INF2: variants seen among roughly 807,000 people sequenced by gnomAD.
The protein encoded by INF2 is inverted formin-2.
A neutral mutation model predicts 123.5 loss-of-function variants in INF2; 43 were observed. That is an observed-to-expected ratio of 0.35 (90% CI 0.27 to 0.45). The LOEUF is 0.45. INF2 is among the 20% of genes least tolerant of loss of function. The pLI is 1.00. For missense variants in INF2, 1,453 were observed against 1,682.7 expected (o/e 0.86, Z 2.39); for synonymous variants, 851 against 745.0 (o/e 1.14, Z -2.32).
intron 13 of INF2, chr14:104,710,584 C>A (rs571403108): frequency 1.3e-4 from 65 of 501,656 alleles, no homozygotes; most frequent in Middle Eastern, 5.3e-4. Context: ...ACGTACACAC[C>A]CCCCCAACAC....
Position 104,703,903 on chromosome 14 carries a change from C to T in INF2, c.668-13C>T, listed in dbSNP as rs375381125. On this transcript the variant is annotated splice_polypyrimidine_tract_variant and intron_variant, in intron 4 of 22. Coordinates refer to ENST00000392634, the MANE Select transcript of INF2 (RefSeq NM_022489.4). ...GGCCTCCGAACCCTCTGACCCTGTC[C>T]GTCCCTTCCCAGGGCTGCAGCTGCT... 8.1e-6 allele frequency: 13 copies of T among 1,611,120 alleles called. No individual in the cohort carries two copies. The highest frequency in any genetic ancestry group is 1.7e-4 in the Middle Eastern group (1 of 6,042).
At chr14:104,716,917 C>G (rs1020522254) in intron 22 of INF2, among the ~76,000 whole-genome samples, 1 of 152,202 alleles carries the variant, frequency 6.6e-6, no homozygotes, top group Non-Finnish European at 1.5e-5. Flanking sequence ...GTCTCGAACT[C>G]CTGACCTCAG....
chr14:104,701,620 G>T lies in INF2; in HGVS notation c.255G>T (p.Ser85=), dbSNP rs369037445. 56 of 1,602,682 alleles carry T rather than the reference G, an allele frequency of 3.5e-5. No homozygotes were observed. Among genetic ancestry groups the T allele is most frequent in the Non-Finnish European group, 4.7e-5 (55 of 1,177,674 alleles). Residue 85 remains serine (S), a synonymous_variant, in exon 2 of 23, where the codon TCG becomes TCT. Coordinates refer to ENST00000392634, the MANE Select transcript of INF2 (RefSeq NM_022489.4). The stretch of plus-strand genomic sequence containing the variant: ...TGCTGGAGGCGCTGGCGCGGCTGTC[G>T]GGCCGCGGCGTTGCACGTATCTCCG... The part of the protein sequence containing the change: ...DLLLEALARL[S]GRGVARISDA...
chr14:104,691,709 G>C (rs1390090268), intron 1 of INF2, among the ~76,000 whole-genome samples: 1 of 152,160 alleles, frequency 6.6e-6, no homozygotes, highest in African/African-American at 2.4e-5. Context: ...TCTACCAACG[G>C]TGGGAAGGAG....
At chr14:104,715,438 T>G in intron 22 of INF2, 98 bp downstream of exon 22, 1 of 1,151,942 alleles carries the variant, frequency 8.7e-7, no homozygotes. Flanking sequence ...CTAACCTGGC[T>G]TCTCTCCAGC....
At chr14:104,688,809 G>A (rs569755192), upstream of INF2, among the ~76,000 whole-genome samples, 48 of 152,338 alleles carry the variant, frequency 3.2e-4, no homozygotes, top group Non-Finnish European at 6.2e-4. Flanking sequence ...AGGGTCAGAC[G>A]TCAGAAGGGA....
rs1415868658 is a variant in INF2, at chr14:104,718,956, T to C, written c.*163T>C. ...GGGCCCTCCTGGAGCCTTCTTGGGG[T>C]GTTGTGGCTGGGAACCCGACAGGCA... On this transcript the variant is annotated 3_prime_UTR_variant, in exon 23 of 23. Transcript: ENST00000392634. 7.0e-7 allele frequency: 1 copy of C among 1,420,124 alleles called. No homozygotes were observed. The highest frequency in any genetic ancestry group is 1.5e-5 in the African/African-American group (1 of 68,768). 88.0% of individuals were successfully genotyped at this position (1,420,124 alleles called of 1,614,324 possible). A position where few individuals can be genotyped will look rare whatever the true frequency, so the allele number is the denominator to read the frequency against.
At chr14:104,700,784 T>A in intron 1 of INF2, 1 of 965,228 alleles carries the variant, frequency 1.0e-6, no homozygotes, top group Non-Finnish European at 1.2e-6. Flanking sequence ...ACGGGCAGAC[T>A]GAGGCCCAGG....
At chr14:104,711,729 C>T in intron 16 of INF2, 30 bp downstream of exon 16, 4 of 1,603,520 alleles carry the variant, frequency 2.5e-6, no homozygotes, top group Non-Finnish European at 3.4e-6. Context: ...CCGCCCACCT[C>T]AGCCAGGTGG....
rs1890211620 is a variant in INF2, at chr14:104,714,726, C to T, written c.3564C>T (p.Ser1188=). The T allele has an allele frequency of 1.9e-6, 3 of 1,606,114 alleles. No homozygotes were observed. The highest frequency in any genetic ancestry group is 2.2e-5 in the South Asian group (2 of 90,594). ...DTAPESALDT[S]LDKSFSEDAV... The stretch of plus-strand genomic sequence containing the variant: ...CCCCAGAGTCCGCACTGGACACATC[C>T]CTGGACAAGTCCTTCTCCGAGGATG... Residue 1188 remains serine, a synonymous_variant, in exon 21 of 23, where the codon TCC becomes TCT. Transcript: ENST00000392634.
At chr14:104,697,986 C>T (rs1245603656) in intron 1 of INF2, among the ~76,000 whole-genome samples, 1 of 152,250 alleles carries the variant, frequency 6.6e-6, no homozygotes, top group Non-Finnish European at 1.5e-5. Context: ...CCCTGCAGAG[C>T]CTGGATGGTC....
intron 4 of INF2, 141 bp from the exon 5 acceptor site, chr14:104,703,775 G>A: frequency 6.9e-7 from 1 of 1,456,044 alleles, no homozygotes; most frequent in Non-Finnish European, 9.5e-7. Flanking sequence ...TGTCCAGCAT[G>A]ATGTCTCCCC....
At chr14:104,691,094 G>A (rs1228803994) in intron 1 of INF2, 3 of 152,390 alleles carry the variant, frequency 2.0e-5, no homozygotes, top group Non-Finnish European at 2.9e-5. Context: ...GGCCAGGTGC[G>A]ACTGTAGCCT....
intron 8 of INF2, 47 bp downstream of exon 8, chr14:104,708,049 C>T (rs764904056): frequency 4.4e-6 from 7 of 1,597,208 alleles, no homozygotes; most frequent in Admixed American, 3.3e-5. Context: ...AGGACGGGGG[C>T]TGGTCTCTGC....
Position 104,699,266 on chromosome 14 carries a change from C to T in INF2, c.-9-2091C>T, listed in dbSNP as rs916248215. 30 of 381,404 alleles carry T rather than the reference C, an allele frequency of 7.9e-5. No individual in the cohort carries two copies. The highest frequency in any genetic ancestry group is 1.8e-4 in the African/African-American group (8 of 45,538). 23.6% of individuals were successfully genotyped at this position (381,404 alleles called of 1,614,324 possible). ...CCGGGCCTGGGAGAGTTCATAACTCCGTCCACTCAGCCTGTGCCAAGGGGA... is the reference window on the plus strand; with the variant it reads ...CCGGGCCTGGGAGAGTTCATAACTCTGTCCACTCAGCCTGTGCCAAGGGGA... On this transcript the variant is annotated intron_variant, in intron 1 of 22. Coordinates refer to ENST00000392634, the MANE Select transcript of INF2 (RefSeq NM_022489.4). This position sits in a 1 kb window ranked among gnomAD's most constrained non-coding sequence, Gnocchi z 4.7.
At chr14:104,697,890 G>GGGT (rs1889265740) in intron 1 of INF2, among the ~76,000 whole-genome samples, 1 of 152,214 alleles carries the variant, frequency 6.6e-6, no homozygotes, top group Admixed American at 6.5e-5. Flanking sequence ...GGACTGCCGG[G>GGGT]GGGGGTGGAT....
Position 104,707,425 on chromosome 14 carries a change from G to A in INF2, c.1158G>A (p.Gln386=), listed in dbSNP as rs1264968006. 1.3e-6 allele frequency: 2 copies of A among 1,574,272 alleles called. No homozygotes were observed. The highest frequency in any genetic ancestry group is 1.4e-5 in the African/African-American group (1 of 73,772). The change falls in exon 8 of 23, where the codon CAG becomes CAA. Residue 386 remains glutamine, a synonymous_variant. Transcript: ENST00000392634. The part of the protein sequence containing the change: ...TTTPKPSVEG[Q]QPAAAAACEP... ...CCCCCAAGCCCAGCGTGGAGGGCCA[G>A]CAGCCAGCAGCAGCTGCTGCCTGCG...
At chr14:104,687,138 T>A (rs1371948861), upstream of INF2, among the ~76,000 whole-genome samples, 1 of 152,076 alleles carries the variant, frequency 6.6e-6, no homozygotes, top group Non-Finnish European at 1.5e-5. The surrounding 1 kb of genome is among the most constrained non-coding windows in gnomAD (Gnocchi z 5.6). Flanking sequence ...GGCCATGGCT[T>A]CCAGGAAGCA....
chr14:104,689,590 TCCCGCCCGCCCCG>T, upstream of INF2: 1 of 646,914 alleles, frequency 1.5e-6, no homozygotes, highest in Non-Finnish European at 1.9e-6. Context: ...CTCCTCTTCC[TCCCGCCCGCCCCG>T]CCCGCCCCGC....
Sources: allele counts gnomAD v4.1 joint callset (sites outside exome capture counted in the v4.1 genomes callset), GRCh38; gene constraint gnomAD v4.1.1; non-coding constraint Gnocchi (gnomAD v3.1); transcripts MANE v1.5; gene names NCBI Gene and HGNC (gene_info 2026-07-23, HGNC 2026-07-21).